Variants in SFTPD observed in about 807,000 individuals in gnomAD.
SFTPD encodes the protein pulmonary surfactant-associated protein D.
SFTPD carries 18 observed loss-of-function variants against 34.6 expected under a neutral mutation model. The observed-to-expected ratio is 0.52, with a 90% CI of 0.36 to 0.77. SFTPD has a LOEUF of 0.77. Ranked by LOEUF, SFTPD falls within the 30% of genes least tolerant of loss-of-function variation. The pLI is 0.00. For missense variants in SFTPD, 433 were observed against 468.9 expected, an observed-to-expected ratio of 0.92 and a Z score of 0.71; for synonymous variants, 155 against 180.9, an observed-to-expected ratio of 0.86 and a Z score of 1.15.
At position 79,938,230 on chromosome 10, in the gene SFTPD, TAGG is replaced by T. The variant is rs1842577179; in HGVS notation, c.752-5_752-3del. The T allele has an allele frequency of 6.3e-7, 1 of 1,584,374 alleles. No individual in the cohort carries two copies. Among genetic ancestry groups the T allele is most frequent in the Non-Finnish European group, 8.6e-7 (1 of 1,160,446 alleles). ...TTTGGCCATTTGGGAAGAGCTCAAC[TAGG>T]AGAAGAAGAAAGTCAGGTTGGGGTT... On this transcript the variant is annotated splice_region_variant and splice_polypyrimidine_tract_variant and intron_variant, in intron 7 of 7. Coordinates refer to ENST00000372292, the MANE Select transcript of SFTPD (RefSeq NM_003019.5).
At chr10:79,977,084 C>T (rs553592725) in intron 1 of SFTPD, among the ~76,000 whole-genome samples, 1 of 152,176 alleles carries the variant, frequency 6.6e-6, no homozygotes, top group African/African-American at 2.4e-5. Flanking sequence ...CCCAGTCTTG[C>T]ATATGTCTTT....
At chr10:79,948,776 C>T (rs563513671) in intron 1 of SFTPD, among the ~76,000 whole-genome samples, 125 of 152,238 alleles carry the variant, frequency 8.2e-4, no homozygotes, top group African/African-American at 2.9e-3. Flanking sequence ...ATTTTTCCAC[C>T]TGAAGCTTCC....
At chr10:79,971,877 A>G (rs1057356974) in intron 1 of SFTPD, 4 of 152,132 alleles carry the variant, frequency 2.6e-5, no homozygotes, top group African/African-American at 9.7e-5. Flanking sequence ...GGATGTCTAT[A>G]TCTCTTGCAA....
intron 1 of SFTPD, among the ~76,000 whole-genome samples, chr10:79,962,762 A>G (rs1842780660): frequency 6.6e-6 from 1 of 152,088 alleles, no homozygotes. Flanking sequence ...CTATTTGTTA[A>G]ATTTTTCTTT....
rs935601325 is a variant in SFTPD, at chr10:79,942,013, G to T, written c.491C>A (p.Pro164His). ...GSAGARGLAG[P>H]KGERGVPGER... ...ACCAGGGACACCTCGCTCTCCCTTA[G>T]GGCCTGCGAGGCCTCTTGCCCCTGC... is the stretch of plus-strand genomic sequence containing the variant. The change falls in exon 5 of 8, where the codon CCT (proline) becomes CAT (histidine). Residue 164 changes from proline (P) to histidine (H), a missense_variant. Pro to His is a moderately conservative substitution (Grantham distance 77, BLOSUM62 -2). Transcript: ENST00000372292. 2.5e-6 allele frequency: 4 copies of T among 1,613,950 alleles called. No individual in the cohort carries two copies. The highest frequency in any genetic ancestry group is 3.4e-6 in the Non-Finnish European group (4 of 1,180,012).
intron 1 of SFTPD, chr10:79,982,110 C>A: frequency 3.2e-6 from 1 of 308,260 alleles, no homozygotes; most frequent in Non-Finnish European, 5.8e-6. Context: ...CTCTAGCTCC[C>A]GCGCTCGCTC....
intron 1 of SFTPD, among the ~76,000 whole-genome samples, chr10:79,981,341 T>C (rs1046914789): frequency 6.6e-6 from 1 of 152,142 alleles, no homozygotes; most frequent in African/African-American, 2.4e-5. Flanking sequence ...AAGGCAAATA[T>C]AAGTTATTGG....
rs114549125 is a variant in SFTPD, at chr10:79,980,491, T to G, written c.36+2084A>C. On this transcript the variant is annotated intron_variant, in intron 1 of 5. Transcript: ENST00000444384. ...TAAACATCAGTGGTAGCCAGGAAAT[T>G]GTCACCAGAGGCCTTAGGTGGGACC... Among the ~76,000 whole-genome samples the G allele has an allele frequency of 3.5e-3, 533 of 152,218 alleles. 4 individuals are homozygous for G. The highest frequency in any genetic ancestry group is 0.012 in the African/African-American group (500 of 41,528).
rs927169343 is a variant in SFTPD at position 79,974,029 on chromosome 10, C to T, written c.36+8546G>A. Among the ~76,000 whole-genome samples the T allele has an allele frequency of 4.0e-5, 6 of 150,286 alleles. No individual in the cohort carries two copies. The South Asian group carries it at 1.1e-3, about 26-fold the overall frequency. ...GATCTCTGTGTGTTTCACAGACAGA[C>T]AGACACACACCCACACACACACAAA... On this transcript the variant is annotated intron_variant, in intron 1 of 5. Transcript: ENST00000444384.
Position 79,941,960 on chromosome 10 carries a change from C to T in SFTPD, c.544G>A (p.Ala182Thr), listed in dbSNP as rs752059505. Reference sequence around the variant, plus strand: ...AGCTCTTTCCACTGCTCACCTGCTGCCCCTGTGTTTCCAGGGACTCCACGC... The same window carrying T: ...AGCTCTTTCCACTGCTCACCTGCTGTCCCTGTGTTTCCAGGGACTCCACGC... The part of the protein sequence containing the change: ...GERGVPGNTG[A>T]AGSAGAMGPQ... Residue 182 changes from alanine to threonine, a missense_variant, in exon 5 of 8, where the codon GCA (alanine) becomes ACA (threonine). Physicochemically the swap from Ala to Thr is moderately conservative, Grantham distance 58. Transcript: ENST00000372292. 7 of 1,603,334 alleles carry T rather than the reference C, an allele frequency of 4.4e-6. No individual in the cohort carries two copies. The highest frequency in any genetic ancestry group is 1.7e-4 in the Middle Eastern group (1 of 5,890).
intron 1 of SFTPD, chr10:79,982,309 TGGGCACCA>T: frequency 1.0e-6 from 1 of 974,406 alleles, no homozygotes; most frequent in Non-Finnish European, 1.3e-6. Flanking sequence ...AGGTGCCCAG[TGGGCACCA>T]GCCCAGCGCC....
chr10:79,947,266 G>A (rs927602695), intron 1 of SFTPD, among the ~76,000 whole-genome samples: 4 of 152,188 alleles, frequency 2.6e-5, no homozygotes, highest in African/African-American at 7.2e-5. Flanking sequence ...GCCATTCCTC[G>A]AGCAGGTGCT....
upstream of SFTPD, chr10:79,950,030 A>T (rs1376641319): frequency 2.0e-5 from 3 of 151,734 alleles, no homozygotes; most frequent in Admixed American, 1.3e-4. Context: ...TTTTACAGAG[A>T]TGGGGTCTCA....
At chr10:79,955,741 G>A (rs1344102205) in intron 1 of SFTPD, among the ~76,000 whole-genome samples, 1 of 152,150 alleles carries the variant, frequency 6.6e-6, no homozygotes, top group African/African-American at 2.4e-5. Flanking sequence ...TACCTTTTTG[G>A]ATGAGAATTC....
chr10:79,946,619 T>TG lies in SFTPD; in HGVS notation c.40dup (p.Gln14ProfsTer28). The TG allele has an allele frequency of 6.2e-7, 1 of 1,614,170 alleles. No homozygotes were observed. The highest frequency in any genetic ancestry group is 8.5e-7 in the Non-Finnish European group (1 of 1,180,022). ...TTCTGCTTCCAGGTAGCCCAGGGGC[T>TG]GTGTGAGCAGGACCAGTGCAGAGAG... On this transcript the variant is annotated frameshift_variant, in exon 2 of 8. Coordinates refer to ENST00000372292, the MANE Select transcript of SFTPD (RefSeq NM_003019.5). LOFTEE classifies it high-confidence loss of function.
Position 79,946,496 on chromosome 10 carries a change from C to G in SFTPD, c.164G>C (p.Gly55Ala). Reference protein sequence around the residue: ...SGLPGRDGRDGREGPRGEKGD... With the variant: ...SGLPGRDGRDAREGPRGEKGD... ...CTTCTCGCCCCGAGGGCCCTCTCTCCCATCCCGTCCATCGCGACCAGGCAG... is the reference window on the plus strand; with the variant it reads ...CTTCTCGCCCCGAGGGCCCTCTCTCGCATCCCGTCCATCGCGACCAGGCAG... The change falls in exon 2 of 8, where the codon GGG (glycine) becomes GCG (alanine). Residue 55 changes from glycine to alanine, a missense_variant. Coordinates refer to ENST00000372292, the MANE Select transcript of SFTPD (RefSeq NM_003019.5). 1 of 1,614,094 alleles carries G rather than the reference C, an allele frequency of 6.2e-7. No individual in the cohort carries two copies. The highest frequency in any genetic ancestry group is 8.5e-7 in the Non-Finnish European group (1 of 1,179,982).
intron 1 of SFTPD, among the ~76,000 whole-genome samples, chr10:79,973,678 T>G (rs1215149913): frequency 2.0e-5 from 3 of 151,838 alleles, no homozygotes; most frequent in Admixed American, 1.3e-4. Flanking sequence ...TGTTATTTTA[T>G]CAATATACCC....
rs80294698 is a variant in SFTPD at position 79,978,299 on chromosome 10, A to G, written c.36+4276T>C. ...TGTGATCATCTCAATAGATGCAGAAAAAGTATTTGATAAAATTAAACATTC... is the reference window on the plus strand; with the variant it reads ...TGTGATCATCTCAATAGATGCAGAAGAAGTATTTGATAAAATTAAACATTC... On this transcript the variant is annotated intron_variant, in intron 1 of 5. Transcript: ENST00000444384. Among the ~76,000 whole-genome samples, 564 of 152,352 alleles carry G rather than the reference A, an allele frequency of 3.7e-3. 8 individuals carry two copies. In the East Asian group the frequency reaches 0.066, roughly 18 times the overall value.
chr10:79,976,127 T>C (rs1842863086), intron 1 of SFTPD, among the ~76,000 whole-genome samples: 1 of 152,176 alleles, frequency 6.6e-6, no homozygotes, highest in Non-Finnish European at 1.5e-5. Context: ...GAGTTCTGGA[T>C]ACAGTGGCCT....
Sources: gnomAD v4.1 joint callset for allele counts (sites outside exome capture counted in the v4.1 genomes callset) on GRCh38, gnomAD v4.1.1 for gene constraint, MANE v1.5 for transcripts, NCBI Gene and HGNC (gene_info 2026-07-23, HGNC 2026-07-21) for gene names.